RPTOR: variants seen among roughly 807,000 people sequenced by gnomAD.
RPTOR encodes regulatory associated protein of MTOR complex 1.
Under a neutral mutation model 169.9 loss-of-function variants are expected in RPTOR, and 21 were observed. That is an observed-to-expected ratio of 0.12 (90% CI 0.09 to 0.18). The LOEUF is 0.18. Ranked by LOEUF, RPTOR falls within the 10% of genes least tolerant of loss-of-function variation. The pLI is 1.00. For synonymous variants in RPTOR, 732 were observed against 753.2 expected, an observed-to-expected ratio of 0.97 and a Z score of 0.46; for missense variants, 1,133 against 1,855.9, an observed-to-expected ratio of 0.61 and a Z score of 7.16.
chr17:80,844,379 G>A lies in RPTOR; in HGVS notation c.1213-2094G>A, dbSNP rs2067703178. ...GTGAGGAACATGTGAAAATCCATCA[G>A]GCAAAGCTAATGTGATAGAAAGAAG... On this transcript the variant is annotated intron_variant, in intron 10 of 33. Transcript: ENST00000306801. The surrounding 1 kb of genome is among the most constrained non-coding windows in gnomAD (Gnocchi z 4.7). 2.0e-5 allele frequency among the ~76,000 whole-genome samples: 3 copies of A among 152,154 alleles called. No homozygotes were observed. The highest frequency in any genetic ancestry group is 7.2e-5 in the African/African-American group (3 of 41,432).
At position 80,925,417 on chromosome 17, in the gene RPTOR, C is replaced by T. The variant is rs772283529; in HGVS notation, c.2856C>T (p.Ser952=). ...CTGCTGGACACAAAAGTTTCATCTC[C>T]GCCACGGTGCAGACGGGGTTCTGCG... ...DDAAGHKSFI[S]ATVQTGFCDW... The change falls in exon 24 of 34, where the codon TCC becomes TCT. Residue 952 remains serine (S), a synonymous_variant. Transcript: ENST00000306801. The T allele has an allele frequency of 1.7e-5, 28 of 1,613,594 alleles. No individual in the cohort carries two copies. The South Asian group carries it at 2.4e-4, about 14-fold the overall frequency.
intron 28 of RPTOR, among the ~76,000 whole-genome samples, chr17:80,951,349 A>T (rs1460494777): frequency 2.0e-5 from 3 of 152,232 alleles, no homozygotes; most frequent in African/African-American, 7.2e-5. Flanking sequence ...AGGAAGCAGC[A>T]CTGACGAGAA....
At chr17:80,740,009 T>C (rs1346901454) in intron 5 of RPTOR, among the ~76,000 whole-genome samples, 1 of 151,468 alleles carries the variant, frequency 6.6e-6, no homozygotes, top group Admixed American at 6.6e-5. Context: ...AGAAAAAAAA[T>C]CAATAAAATG....
intron 3 of RPTOR, among the ~76,000 whole-genome samples, chr17:80,680,541 A>C (rs1402299720): frequency 1.3e-5 from 2 of 152,162 alleles, no homozygotes; most frequent in Non-Finnish European, 2.9e-5. Flanking sequence ...AGGCAGGAGA[A>C]TCGCTTGAAC....
chr17:80,565,474 T>G (rs2084570702), intron 1 of RPTOR, among the ~76,000 whole-genome samples: 1 of 152,162 alleles, frequency 6.6e-6, no homozygotes, highest in Non-Finnish European at 1.5e-5. Context: ...CAATGTTTTC[T>G]TTGAGAAGGA....
intron 21 of RPTOR, among the ~76,000 whole-genome samples, chr17:80,909,156 A>G (rs1598395007): frequency 1.3e-5 from 2 of 152,232 alleles, no homozygotes; most frequent in South Asian, 4.1e-4. Context: ...CTGTCAAGGC[A>G]ATTAGGGGAG....
At chr17:80,810,048 AAAAT>A (rs56853505) in intron 7 of RPTOR, among the ~76,000 whole-genome samples, 2,448 of 144,134 alleles carry the variant, frequency 0.017, 36 homozygotes, top group Middle Eastern at 0.054. Flanking sequence ...ACTCCATCTC[AAAAT>A]AAATAAATAA....
At chr17:80,585,468 T>C (rs2065052418) in intron 1 of RPTOR, among the ~76,000 whole-genome samples, 1 of 152,152 alleles carries the variant, frequency 6.6e-6, no homozygotes, top group Non-Finnish European at 1.5e-5. Flanking sequence ...CCTCCCAAAG[T>C]GCTGGGATTA....
chr17:80,567,951 G>A (rs547042499), intron 1 of RPTOR, among the ~76,000 whole-genome samples: 40 of 149,028 alleles, frequency 2.7e-4, no homozygotes, highest in Non-Finnish European at 5.2e-4. Flanking sequence ...CTGTTGCTTC[G>A]TCTGGAGTGC....
At chr17:80,698,062 C>T (rs1254364435) in intron 3 of RPTOR, among the ~76,000 whole-genome samples, 1 of 151,152 alleles carries the variant, frequency 6.6e-6, no homozygotes, top group Admixed American at 6.6e-5. Context: ...AGACAAGGAT[C>T]CCAGACGGGT....
chr17:80,770,453 C>T (rs994654168), intron 6 of RPTOR, among the ~76,000 whole-genome samples: 1 of 152,124 alleles, frequency 6.6e-6, no homozygotes. Context: ...GTGCCCAGGG[C>T]ATTTGGGGAC....
intron 25 of RPTOR, chr17:80,941,746 C>G (rs2069031276): frequency 6.6e-6 from 1 of 152,304 alleles, no homozygotes; most frequent in African/African-American, 2.4e-5. Flanking sequence ...GACAGATGTC[C>G]TCCCTCCTGC....
At position 80,625,765 on chromosome 17, in the gene RPTOR, G is replaced by A. The variant is rs142696864; in HGVS notation, c.237G>A (p.Thr79=). The change falls in exon 2 of 34, where the codon ACG becomes ACA. Residue 79 remains threonine (T), a synonymous_variant. Coordinates refer to ENST00000306801, the MANE Select transcript of RPTOR (RefSeq NM_020761.3). The stretch of plus-strand genomic sequence containing the variant: ...ACCCTCCCGATGTGGTGAAGACCAC[G>A]CCCTGTGCACGCTTGGAATGCTGGA... The part of the protein sequence containing the change: ...GVDPPDVVKT[T]PCARLECWID... 6.4e-4 allele frequency: 1,039 copies of A among 1,612,344 alleles called. 5 individuals carry two copies. The African/African-American group carries it at 0.01, about 16-fold the overall frequency.
chr17:80,794,940 G>T (rs1299992360), intron 7 of RPTOR, among the ~76,000 whole-genome samples: 1 of 152,136 alleles, frequency 6.6e-6, no homozygotes, highest in African/African-American at 2.4e-5. Flanking sequence ...AGCGGGAGGG[G>T]CCTGGGGGTG....
At chr17:80,933,086 C>A (rs2068917344) in intron 24 of RPTOR, among the ~76,000 whole-genome samples, 1 of 152,202 alleles carries the variant, frequency 6.6e-6, no homozygotes, top group Non-Finnish European at 1.5e-5. Flanking sequence ...ACAAACATAT[C>A]CTCTCTTGCC....
rs1235684881 is a variant in RPTOR at position 80,964,146 on chromosome 17, G to A, written c.3940-116G>A. The A allele has an allele frequency of 1.2e-5, 11 of 891,670 alleles. No homozygotes were observed. The East Asian group carries it at 2.5e-4, about 20-fold the overall frequency. The allele number at this position is 891,670 out of a possible 1,614,324, so 55.2% of individuals were successfully genotyped here. Reference sequence around the variant, plus strand: ...TTTCCGGGCCTGAGGTGGGCGTGGGGGTTCCTGAGACCCCGGCAGGAGCTG... The same window carrying A: ...TTTCCGGGCCTGAGGTGGGCGTGGGAGTTCCTGAGACCCCGGCAGGAGCTG... On this transcript the variant is annotated intron_variant, in intron 33 of 33. Transcript: ENST00000306801.
intron 1 of RPTOR, among the ~76,000 whole-genome samples, chr17:80,554,443 A>C (rs2084381295): frequency 6.6e-6 from 1 of 152,008 alleles, no homozygotes; most frequent in Non-Finnish European, 1.5e-5. Flanking sequence ...TGAATGTGGC[A>C]CCAAAAATGA....
At chr17:80,910,772 ATT>A (rs1486646995) in intron 21 of RPTOR, among the ~76,000 whole-genome samples, 2 of 149,554 alleles carry the variant, frequency 1.3e-5, no homozygotes, top group African/African-American at 4.9e-5. Context: ...CAACTAAGTT[ATT>A]TTCTGTTGGT....
chr17:80,935,039 A>G (rs938552543), intron 24 of RPTOR, among the ~76,000 whole-genome samples: 4 of 151,300 alleles, frequency 2.6e-5, no homozygotes, highest in Non-Finnish European at 5.9e-5. Flanking sequence ...AAAAAAAGGC[A>G]TTATACAAAA....
Sources: allele counts gnomAD v4.1 joint callset (sites outside exome capture counted in the v4.1 genomes callset), GRCh38; gene constraint gnomAD v4.1.1; non-coding constraint Gnocchi (gnomAD v3.1); transcripts MANE v1.5; gene names NCBI Gene and HGNC (gene_info 2026-07-23, HGNC 2026-07-21).